Variants in FHIT observed in about 807,000 individuals in gnomAD.
FHIT encodes bis(5'-adenosyl)-triphosphatase.
In FHIT, 19 loss-of-function variants were observed where a neutral mutation model predicts 17.9. The observed-to-expected ratio is 1.06, with a 90% confidence interval of 0.74 to 1.56. The LOEUF is 1.56. FHIT is among the 40% of genes most tolerant of loss of function. The pLI is 0.00. For missense variants in FHIT, 248 were observed against 189.2 expected, an observed-to-expected ratio of 1.31 and a Z score of -1.82; for synonymous variants, 81 against 69.7, an observed-to-expected ratio of 1.16 and a Z score of -0.81.
intron 5 of FHIT, among the ~76,000 whole-genome samples, chr3:60,507,256 G>C (rs2034770008): frequency 6.6e-6 from 1 of 152,046 alleles, no homozygotes; most frequent in African/African-American, 2.4e-5. Context: ...CCAGTCAAGA[G>C]AGAAACAACA....
chr3:60,620,219 G>A (rs2039080456), intron 4 of FHIT, among the ~76,000 whole-genome samples: 1 of 152,102 alleles, frequency 6.6e-6, no homozygotes, highest in Non-Finnish European at 1.5e-5. Flanking sequence ...AAATGATATA[G>A]CAACCTCAGA....
At chr3:59,818,706 G>C (rs1700689699) in intron 8 of FHIT, among the ~76,000 whole-genome samples, 1 of 152,196 alleles carries the variant, frequency 6.6e-6, no homozygotes, top group South Asian at 2.1e-4. Flanking sequence ...TGTCTCAGAA[G>C]ACCGGGCCGA....
At chr3:61,125,804 A>C (rs963156931) in intron 2 of FHIT, among the ~76,000 whole-genome samples, 5 of 152,276 alleles carry the variant, frequency 3.3e-5, no homozygotes, top group East Asian at 1.9e-4. Context: ...AAAGGATGGG[A>C]GGAGGAGTAA....
At chr3:60,911,708 T>G (rs781976714) in intron 3 of FHIT, among the ~76,000 whole-genome samples, 6 of 152,074 alleles carry the variant, frequency 3.9e-5, no homozygotes, top group Non-Finnish European at 8.8e-5. Flanking sequence ...CATACCAGAG[T>G]CTTTTTTATG....
chr3:59,768,846 T>C (rs1701932223), intron 8 of FHIT, among the ~76,000 whole-genome samples: 1 of 152,246 alleles, frequency 6.6e-6, no homozygotes, highest in Non-Finnish European at 1.5e-5. Flanking sequence ...ATACACATTG[T>C]AAAAGAGATC....
chr3:60,091,727 C>T (rs544189050), intron 5 of FHIT, among the ~76,000 whole-genome samples: 3 of 152,188 alleles, frequency 2.0e-5, no homozygotes, highest in Non-Finnish European at 4.4e-5. Flanking sequence ...TGAGATCTGG[C>T]TGTTTAAAAG....
intron 2 of FHIT, among the ~76,000 whole-genome samples, chr3:61,088,721 A>C (rs544829971): frequency 2.0e-5 from 3 of 151,866 alleles, no homozygotes; most frequent in African/African-American, 7.3e-5. Flanking sequence ...TTGATTTCAC[A>C]ATTCCTTTCT....
intron 4 of FHIT, among the ~76,000 whole-genome samples, chr3:60,777,895 C>T (rs1177723983): frequency 3.9e-5 from 6 of 152,086 alleles, no homozygotes. Flanking sequence ...TCTGGAATTC[C>T]GTTTCATAAC....
chr3:59,927,422 CT>C (rs1318250696), intron 7 of FHIT, among the ~76,000 whole-genome samples: 2 of 143,810 alleles, frequency 1.4e-5, no homozygotes, highest in African/African-American at 5.2e-5. Flanking sequence ...AATAGGGTTT[CT>C]TTTATATTAT....
chr3:60,240,660 G>T (rs1705078585), intron 5 of FHIT, among the ~76,000 whole-genome samples: 1 of 152,160 alleles, frequency 6.6e-6, no homozygotes, highest in South Asian at 2.1e-4. Context: ...GATGATAAAT[G>T]CAGAGGACTT....
At chr3:60,144,727 T>G (rs777863364) in intron 5 of FHIT, among the ~76,000 whole-genome samples, 3 of 152,156 alleles carry the variant, frequency 2.0e-5, no homozygotes, top group Non-Finnish European at 4.4e-5. Context: ...CTCATGCACT[T>G]ATTTGGTGAA....
In FHIT at chr3:59,985,801, C is replaced by T. The variant is rs180899511; in HGVS notation, c.279+25570G>A. ...CTCTCACTTTCACACTGAGCCTAGGCTGAACCTTAGAATCCGTCACAGCGC... is the reference window on the plus strand; with the variant it reads ...CTCTCACTTTCACACTGAGCCTAGGTTGAACCTTAGAATCCGTCACAGCGC... On this transcript the variant is annotated intron_variant, in intron 7 of 9. Coordinates refer to ENST00000492590, the MANE Select transcript of FHIT (RefSeq NM_002012.4). Among the ~76,000 whole-genome samples, 3 of 152,222 alleles carry T rather than the reference C, an allele frequency of 2.0e-5. No homozygotes were observed. In the East Asian group the frequency reaches 5.8e-4, roughly 29 times the overall value.
intron 5 of FHIT, among the ~76,000 whole-genome samples, chr3:60,387,425 G>A (rs1297358421): frequency 6.6e-6 from 1 of 152,174 alleles, no homozygotes; most frequent in African/African-American, 2.4e-5. Flanking sequence ...CAAAATAAAT[G>A]TGAGAGGACA....
At position 60,536,912 on chromosome 3, in the gene FHIT, G is replaced by C; in HGVS notation, c.51C>G (p.Leu17=). 1.2e-6 allele frequency: 2 copies of C among 1,613,200 alleles called. No individual in the cohort carries two copies. The highest frequency in any genetic ancestry group is 1.1e-5 in the South Asian group (1 of 90,992). ...CAAGAGCGAAGGACAGTTCTGTTTT[G>C]AGAAACACTACAGAGGGCTTGATGA... ...QHLIKPSVVF[L]KTELSFALVN... Residue 17 remains leucine, a synonymous_variant, in exon 5 of 10, where the codon CTC becomes CTG. Coordinates refer to ENST00000492590, the MANE Select transcript of FHIT (RefSeq NM_002012.4).
At chr3:60,190,710 C>T (rs548386077) in intron 5 of FHIT, among the ~76,000 whole-genome samples, 36 of 152,146 alleles carry the variant, frequency 2.4e-4, no homozygotes, top group Admixed American at 8.5e-4. Flanking sequence ...CACATGTATA[C>T]ATATGTAACT....
intron 3 of FHIT, among the ~76,000 whole-genome samples, chr3:60,978,851 A>G (rs562581712): frequency 1.3e-5 from 2 of 152,300 alleles, no homozygotes; most frequent in South Asian, 4.1e-4. Flanking sequence ...TCTTAATACC[A>G]TGACTTTGGC....
intron 5 of FHIT, among the ~76,000 whole-genome samples, chr3:60,131,082 C>CAT (rs373880185): frequency 2.0e-5 from 1 of 49,314 alleles, no homozygotes; most frequent in African/African-American, 1.4e-4. Context: ...TATGTATACA[C>CAT]ATATATACAC....
At chr3:60,368,467 C>G (rs1700198177) in intron 5 of FHIT, among the ~76,000 whole-genome samples, 1 of 151,878 alleles carries the variant, frequency 6.6e-6, no homozygotes, top group Admixed American at 6.6e-5. Flanking sequence ...TTTGGGCACT[C>G]TGTTGAAATA....
intron 5 of FHIT, among the ~76,000 whole-genome samples, chr3:60,351,336 A>C (rs1335441423): frequency 1.3e-5 from 2 of 152,234 alleles, no homozygotes; most frequent in Non-Finnish European, 2.9e-5. Context: ...CTCAGACGCA[A>C]GCCACCTCAT....
Sources: allele counts gnomAD v4.1 joint callset (sites outside exome capture counted in the v4.1 genomes callset), GRCh38; gene constraint gnomAD v4.1.1; transcripts MANE v1.5; gene names NCBI Gene and HGNC (gene_info 2026-07-23, HGNC 2026-07-21).